Variants in MBNL1 observed in about 807,000 individuals in gnomAD.
The protein encoded by MBNL1 is muscleblind like splicing regulator 1, also known as muscleblind-like protein 1.
In MBNL1, 8 loss-of-function variants were observed where a neutral mutation model predicts 42.2. That is an observed-to-expected ratio of 0.19 (90% CI 0.11 to 0.34). The LOEUF (loss-of-function observed/expected upper bound fraction) is 0.34, where lower values mean the gene tolerates loss of function less well. MBNL1 is among the 10% of genes least tolerant of loss of function. The pLI is 1.00. For missense variants in MBNL1, 309 were observed against 495.3 expected, an observed-to-expected ratio of 0.62 and a Z score of 3.57; for synonymous variants, 169 against 173.9, an observed-to-expected ratio of 0.97 and a Z score of 0.22.
chr3:152,346,375 T>G (rs2094240257), intron 2 of MBNL1, among the ~76,000 whole-genome samples: 1 of 152,148 alleles, frequency 6.6e-6, no homozygotes, highest in Non-Finnish European at 1.5e-5. Flanking sequence ...TTTATATTCC[T>G]TAAATATTCA....
chr3:152,248,508 A>T (rs887030411), intron 2 of MBNL1, among the ~76,000 whole-genome samples: 2 of 151,898 alleles, frequency 1.3e-5, no homozygotes, highest in Non-Finnish European at 2.9e-5. Flanking sequence ...TTCTATGGTC[A>T]TAATTTTTTT....
At chr3:152,309,380 AG>A (rs2065080933) in intron 2 of MBNL1, among the ~76,000 whole-genome samples, 1 of 152,164 alleles carries the variant, frequency 6.6e-6, no homozygotes. Flanking sequence ...TTTATATTTT[AG>A]TTTATGTTAA....
chr3:152,323,819 T>C (rs529017456), intron 2 of MBNL1, among the ~76,000 whole-genome samples: 7 of 152,334 alleles, frequency 4.6e-5, no homozygotes, highest in African/African-American at 1.7e-4. Context: ...CACCATCATA[T>C]ATGTGGGTCC....
chr3:152,300,881 G>A (rs2060459058), intron 2 of MBNL1: 5 of 954,662 alleles, frequency 5.2e-6, no homozygotes, highest in African/African-American at 1.8e-5. Flanking sequence ...TTATTTTCAG[G>A]CCAGAGCCAC....
intron 2 of MBNL1, among the ~76,000 whole-genome samples, chr3:152,392,820 T>G (rs556421222): frequency 2.0e-5 from 3 of 152,350 alleles, no homozygotes; most frequent in African/African-American, 7.2e-5. Flanking sequence ...TGCAGTAATG[T>G]CAGGGAAACT....
At chr3:152,287,286 A>G (rs2053105863) in intron 1 of MBNL1, among the ~76,000 whole-genome samples, 1 of 152,168 alleles carries the variant, frequency 6.6e-6, no homozygotes, top group Non-Finnish European at 1.5e-5. Flanking sequence ...ATGATTTAAA[A>G]TAATATTAAT....
chr3:152,407,175 A>AAAG (rs1481934919), intron 2 of MBNL1, among the ~76,000 whole-genome samples: 3 of 149,850 alleles, frequency 2.0e-5, no homozygotes, highest in Non-Finnish European at 1.5e-5. Context: ...AAAGTAATTG[A>AAAG]AAGAAACTGG....
At chr3:152,245,721 A>G (rs1442454329) in intron 2 of MBNL1, among the ~76,000 whole-genome samples, 1 of 152,168 alleles carries the variant, frequency 6.6e-6, no homozygotes, top group Non-Finnish European at 1.5e-5. Context: ...ACGTATTTTC[A>G]TGCACTACAC....
chr3:152,461,215 T>C lies in MBNL1; in HGVS notation c.*19-1170T>C, dbSNP rs755937931. Among the ~76,000 whole-genome samples, 48 of 152,182 alleles carry C rather than the reference T, an allele frequency of 3.2e-4. 1 individual carries two copies. The highest frequency in any genetic ancestry group is 5.4e-4 in the Non-Finnish European group (37 of 68,034). On this transcript the variant is annotated intron_variant, in intron 9 of 9. Transcript: ENST00000324210. Reference sequence around the variant, plus strand: ...GAGAACAGGCAGAATTCAATAGCCATTTAAGAAAGAAATGAGAGGCTCAAC... The same window carrying C: ...GAGAACAGGCAGAATTCAATAGCCACTTAAGAAAGAAATGAGAGGCTCAAC...
intron 2 of MBNL1, among the ~76,000 whole-genome samples, chr3:152,373,304 G>A (rs1348000165): frequency 7.3e-6 from 1 of 137,024 alleles, no homozygotes; most frequent in African/African-American, 2.7e-5. Flanking sequence ...AGAGTGAACA[G>A]TTCTGTCGCT....
intron 4 of MBNL1, among the ~76,000 whole-genome samples, chr3:152,439,621 CAATTT>C (rs1386244329): frequency 6.6e-6 from 1 of 152,124 alleles, no homozygotes; most frequent in Non-Finnish European, 1.5e-5. Context: ...TTCATTTAAA[CAATTT>C]AATACACTAT....
intron 8 of MBNL1, chr3:152,457,833 C>T (rs1736828949): frequency 6.3e-6 from 2 of 317,458 alleles, no homozygotes; most frequent in Non-Finnish European, 1.2e-5. Flanking sequence ...TTTCAACATG[C>T]CCTTGGCCAC....
chr3:152,251,614 T>A (rs1360241383), intron 2 of MBNL1, among the ~76,000 whole-genome samples: 1 of 152,094 alleles, frequency 6.6e-6, no homozygotes, highest in Non-Finnish European at 1.5e-5. Flanking sequence ...TTCATTTTAA[T>A]AAAGTGCTCC....
At chr3:152,267,854 A>G (rs994461058), upstream of MBNL1, 1 of 152,218 alleles carries the variant, frequency 6.6e-6, no homozygotes, top group Non-Finnish European at 1.5e-5. Context: ...CCGAACCTGC[A>G]GGAAGAATGT....
chr3:152,255,596 G>T (rs573028515), intron 2 of MBNL1, among the ~76,000 whole-genome samples: 1 of 152,062 alleles, frequency 6.6e-6, no homozygotes, highest in Non-Finnish European at 1.5e-5. Flanking sequence ...AAATAGTTAC[G>T]GACAAGATCA....
At chr3:152,363,953 CAAATT>C (rs1314218847) in intron 2 of MBNL1, among the ~76,000 whole-genome samples, 1 of 152,052 alleles carries the variant, frequency 6.6e-6, no homozygotes, top group Non-Finnish European at 1.5e-5. Context: ...CTTTCTGAAA[CAAATT>C]AAGAATGAGA....
At chr3:152,384,186 A>G (rs1170435899) in intron 2 of MBNL1, among the ~76,000 whole-genome samples, 1 of 152,130 alleles carries the variant, frequency 6.6e-6, no homozygotes, top group Non-Finnish European at 1.5e-5. Flanking sequence ...AGGGTGATCC[A>G]TGGAGGCAGA....
At chr3:152,343,830 T>C (rs1285179840) in intron 2 of MBNL1, among the ~76,000 whole-genome samples, 1 of 152,186 alleles carries the variant, frequency 6.6e-6, no homozygotes, top group Non-Finnish European at 1.5e-5. Flanking sequence ...TCCATTTATA[T>C]TAGTTTTTCA....
intron 2 of MBNL1, among the ~76,000 whole-genome samples, chr3:152,348,181 A>G (rs2094513276): frequency 6.6e-6 from 1 of 152,166 alleles, no homozygotes; most frequent in Admixed American, 6.6e-5. Flanking sequence ...GAGATAGGCA[A>G]CAGAAAACAA....
Sources: allele counts gnomAD v4.1 joint callset (sites outside exome capture counted in the v4.1 genomes callset), GRCh38; gene constraint gnomAD v4.1.1; transcripts MANE v1.5; gene names NCBI Gene and HGNC (gene_info 2026-07-23, HGNC 2026-07-21).